The following SPOCK3 variants were observed in gnomAD, a reference collection of about 807,000 sequenced individuals.
SPOCK3 encodes the protein SPARC (osteonectin), cwcv and kazal like domains proteoglycan 3, also known as testican-3.
A neutral mutation model predicts 56.6 loss-of-function variants in SPOCK3; 30 were observed. The observed-to-expected ratio is 0.53, with a 90% confidence interval of 0.40 to 0.72. The LOEUF is 0.72. Ranked by LOEUF, SPOCK3 falls within the 30% of genes least tolerant of loss-of-function variation. The probability of loss-of-function intolerance (pLI) is 0.00; values close to 1 mark genes in which losing one functional copy is unlikely to be tolerated. For missense variants in SPOCK3, 527 were observed against 530.0 expected (o/e 0.99, Z 0.06); for synonymous variants, 196 against 183.3 (o/e 1.07, Z -0.56).
intron 2 of SPOCK3, among the ~76,000 whole-genome samples, chr4:167,160,248 C>T (rs1361759623): frequency 5.3e-5 from 8 of 152,068 alleles, no homozygotes; most frequent in Non-Finnish European, 5.9e-5. Context: ...ACACCAATAA[C>T]GGACAAACAG....
At chr4:166,770,605 A>G (rs563253533) in intron 7 of SPOCK3, among the ~76,000 whole-genome samples, 7 of 152,188 alleles carry the variant, frequency 4.6e-5, no homozygotes, top group Admixed American at 3.3e-4. Context: ...ATAAGGCAAG[A>G]TAAGAGAAAA....
intron 8 of SPOCK3, among the ~76,000 whole-genome samples, chr4:166,747,157 C>G (rs1018405997): frequency 6.6e-6 from 1 of 152,106 alleles, no homozygotes; most frequent in African/African-American, 2.4e-5. Context: ...ATCCTGATAC[C>G]AAAGCCTGGC....
At chr4:166,991,193 T>C (rs1466144859) in intron 4 of SPOCK3, among the ~76,000 whole-genome samples, 1 of 151,934 alleles carries the variant, frequency 6.6e-6, no homozygotes, top group Admixed American at 6.6e-5. Context: ...TTCACCACTA[T>C]TTTTTACCAT....
chr4:166,980,626 C>T (rs1366689156), intron 4 of SPOCK3, among the ~76,000 whole-genome samples: 1 of 152,204 alleles, frequency 6.6e-6, no homozygotes, highest in East Asian at 1.9e-4. Context: ...TGGGGTCCGG[C>T]CACTGTGCAC....
At chr4:167,102,635 T>A (rs924486366) in intron 2 of SPOCK3, 1 of 152,148 alleles carries the variant, frequency 6.6e-6, no homozygotes, top group Non-Finnish European at 1.5e-5. Context: ...TACTGCTCTG[T>A]CATGGTGAAA....
intron 3 of SPOCK3, among the ~76,000 whole-genome samples, chr4:167,010,124 T>G (rs1000369387): frequency 6.6e-6 from 1 of 152,080 alleles, no homozygotes; most frequent in Non-Finnish European, 1.5e-5. Context: ...GCAGTTTGTT[T>G]TCAGGGAACA....
intron 4 of SPOCK3, among the ~76,000 whole-genome samples, chr4:166,970,540 A>G (rs935970824): frequency 6.6e-6 from 1 of 152,160 alleles, no homozygotes; most frequent in African/African-American, 2.4e-5. Flanking sequence ...CTTGGCCAAC[A>G]TGGTGAAACT....
chr4:167,072,164 C>T (rs78012178), intron 2 of SPOCK3, among the ~76,000 whole-genome samples: 2,549 of 152,092 alleles, frequency 0.017, 71 homozygotes, highest in African/African-American at 0.058. Flanking sequence ...ACATGATCTG[C>T]TAAAGTTTAC....
intron 7 of SPOCK3, among the ~76,000 whole-genome samples, chr4:166,777,815 CTG>C (rs1472718438): frequency 1.3e-5 from 2 of 152,158 alleles, no homozygotes; most frequent in Non-Finnish European, 2.9e-5. Context: ...CTACCATTTA[CTG>C]TGTGACTTTG....
chr4:166,968,573 C>T (rs1378014327), intron 4 of SPOCK3, among the ~76,000 whole-genome samples: 1 of 152,184 alleles, frequency 6.6e-6, no homozygotes, highest in Non-Finnish European at 1.5e-5. Flanking sequence ...TGGTGGCTTC[C>T]ATGTGATGTT....
At chr4:166,985,293 C>T (rs895907868) in intron 4 of SPOCK3, among the ~76,000 whole-genome samples, 1 of 152,090 alleles carries the variant, frequency 6.6e-6, no homozygotes, top group African/African-American at 2.4e-5. Context: ...CAAAAATCAT[C>T]AGCTGGCTAT....
chr4:167,038,446 G>T (rs901480497), intron 3 of SPOCK3, among the ~76,000 whole-genome samples: 1 of 151,894 alleles, frequency 6.6e-6, no homozygotes, highest in African/African-American at 2.4e-5. Flanking sequence ...ATATTTTCTA[G>T]CTAATCTTGA....
intron 2 of SPOCK3, among the ~76,000 whole-genome samples, chr4:167,116,651 CACA>C (rs1761396376): frequency 1.2e-5 from 1 of 81,460 alleles, no homozygotes; most frequent in Non-Finnish European, 2.2e-5. Flanking sequence ...TATATATATA[CACA>C]TATATACGTA....
At chr4:166,905,608 G>T (rs958979973) in intron 5 of SPOCK3, among the ~76,000 whole-genome samples, 20 of 151,940 alleles carry the variant, frequency 1.3e-4, no homozygotes, top group African/African-American at 4.6e-4. Context: ...ACTAAGGCAA[G>T]GAGATACATT....
chr4:166,909,363 T>C (rs1043753862), intron 5 of SPOCK3, among the ~76,000 whole-genome samples: 4 of 152,084 alleles, frequency 2.6e-5, no homozygotes, highest in African/African-American at 9.7e-5. Context: ...GATATTCCTC[T>C]TTCCCACCAC....
chr4:167,035,946 T>C (rs1020307874), intron 3 of SPOCK3, among the ~76,000 whole-genome samples: 3 of 152,138 alleles, frequency 2.0e-5, no homozygotes, highest in African/African-American at 7.2e-5. Context: ...CCCATTTCCC[T>C]TATCTTTTAG....
At chr4:167,228,781 T>C (rs1215949576) in intron 2 of SPOCK3, among the ~76,000 whole-genome samples, 1 of 152,164 alleles carries the variant, frequency 6.6e-6, no homozygotes, top group Non-Finnish European at 1.5e-5. Context: ...TCATCAAAGA[T>C]TGCCTATTGC....
chr4:166,771,673 T>C (rs1337774920), intron 7 of SPOCK3, among the ~76,000 whole-genome samples: 4 of 152,114 alleles, frequency 2.6e-5, no homozygotes, highest in South Asian at 2.1e-4. Context: ...TTGCACATCA[T>C]ATGTTTAGAA....
At chr4:166,947,775 G>T (rs567490712) in intron 4 of SPOCK3, among the ~76,000 whole-genome samples, 2 of 152,066 alleles carry the variant, frequency 1.3e-5, no homozygotes, top group African/African-American at 4.8e-5. Context: ...AGGTACAGTG[G>T]GATGTTTTGA....
Sources: gnomAD v4.1 joint callset for allele counts (sites outside exome capture counted in the v4.1 genomes callset) on GRCh38, gnomAD v4.1.1 for gene constraint, MANE v1.5 for transcripts, NCBI Gene and HGNC (gene_info 2026-07-23, HGNC 2026-07-21) for gene names.